Variants in DNAH12 observed in about 807,000 individuals in gnomAD.
DNAH12 encodes axonemal beta dynein heavy chain 12.
A neutral mutation model predicts 371.5 loss-of-function variants in DNAH12; 285 were observed. The ratio of observed to expected loss-of-function variants is 0.77; its 90% CI spans 0.70 to 0.85. The LOEUF (loss-of-function observed/expected upper bound fraction) is 0.85. Ranked by LOEUF, DNAH12 falls within the 40% of genes least tolerant of loss-of-function variation. DNAH12 has a pLI of 0.00. For missense variants in DNAH12, 3,611 were observed against 3,689.4 expected (o/e 0.98, Z 0.55); for synonymous variants, 1,200 against 1,213.0 (o/e 0.99, Z 0.22).
At chr3:57,471,653 AT>A in intron 14 of DNAH12, 47 bp from the exon 15 acceptor site, 1 of 1,453,344 alleles carries the variant, frequency 6.9e-7, no homozygotes, top group Non-Finnish European at 9.1e-7. Context: ...GTAACAAAGA[AT>A]TATCAAGTCA....
chr3:57,393,608 A>C (rs1351885448), intron 44 of DNAH12, among the ~76,000 whole-genome samples: 2 of 125,274 alleles, frequency 1.6e-5, no homozygotes, highest in African/African-American at 3.0e-5. Flanking sequence ...CCTGGGTGAC[A>C]GAGCAAGACT....
Position 57,454,256 on chromosome 3 carries a change from G to A in DNAH12, c.3456+519C>T, listed in dbSNP as rs754409549. Among the ~76,000 whole-genome samples, 6 of 151,876 alleles carry A rather than the reference G, an allele frequency of 4.0e-5. No homozygotes were observed. In the South Asian group the frequency reaches 6.2e-4, roughly 16 times the overall value. On this transcript the variant is annotated intron_variant, in intron 23 of 73. Coordinates refer to ENST00000495027, the MANE Select transcript of DNAH12 (RefSeq NM_001366028.2). ...AGCACTTTGGGAGGCTAAGGTGGGC[G>A]GATCTCCTGAGGTCAGGTGTTCAAG...
intron 11 of DNAH12, among the ~76,000 whole-genome samples, chr3:57,499,647 A>AAAAAAAAATATATATAT (rs1451248906): frequency 5.6e-5 from 1 of 17,956 alleles, no homozygotes; most frequent in Non-Finnish European, 1.2e-4. Flanking sequence ...AAAAAAAAAA[A>AAAAAAAAATATATATAT]ATATATATAT....
intron 25 of DNAH12, among the ~76,000 whole-genome samples, chr3:57,446,956 G>T (rs1408684414): frequency 1.3e-5 from 2 of 152,120 alleles, no homozygotes; most frequent in African/African-American, 4.8e-5. Flanking sequence ...AGCCTTATGG[G>T]GGTAAAATTA....
intron 58 of DNAH12, among the ~76,000 whole-genome samples, chr3:57,362,621 T>C (rs1178641783): frequency 3.3e-5 from 5 of 152,250 alleles, no homozygotes; most frequent in African/African-American, 1.2e-4. Context: ...TGGCCAGTGA[T>C]GGTGAGCATT....
Position 57,421,661 on chromosome 3 carries a change from C to T in DNAH12, c.5419G>A (p.Asp1807Asn), listed in dbSNP as rs1559640828. Residue 1807 changes from aspartate to asparagine, a missense_variant, in exon 36 of 74, where the codon GAT (aspartate) becomes AAT (asparagine). By Grantham distance (23) the Asp-to-Asn change is conservative. Transcript: ENST00000495027. ...SLIWSIGGSC[D>N]TDGRRVFDTF... ...TCAAAAACACGACGGCCATCTGTAT[C>T]ACAACTTCCTCCAATCGACCAAATC... 13 of 1,551,506 alleles carry T rather than the reference C, an allele frequency of 8.4e-6. No individual in the cohort carries two copies. Among genetic ancestry groups the T allele is most frequent in the Non-Finnish European group, 1.1e-5 (13 of 1,146,978 alleles).
At position 57,453,024 on chromosome 3, in the gene DNAH12, A is replaced by C; in HGVS notation, c.3614-9T>G. 6.5e-7 allele frequency: 1 copy of C among 1,533,220 alleles called. No homozygotes were observed. The highest frequency in any genetic ancestry group is 8.7e-7 in the Non-Finnish European group (1 of 1,143,274). 95.0% of individuals were successfully genotyped at this position (1,533,220 alleles called of 1,614,324 possible). On this transcript the variant is annotated splice_polypyrimidine_tract_variant and intron_variant, in intron 24 of 73. Transcript: ENST00000495027. ...TGTATCATGTGAGACACCTAGAAAA[A>C]ATAAAGTAAAATAAGACACATGATC...
intron 67 of DNAH12, among the ~76,000 whole-genome samples, chr3:57,310,336 T>A (rs2061560287): frequency 2.0e-5 from 3 of 152,206 alleles, no homozygotes; most frequent in African/African-American, 7.2e-5. Flanking sequence ...TGGTTTTCAC[T>A]CCTTTTCTGC....
At chr3:57,396,303 A>C (rs2063739448) in intron 43 of DNAH12, among the ~76,000 whole-genome samples, 1 of 138,896 alleles carries the variant, frequency 7.2e-6, no homozygotes, top group South Asian at 2.2e-4. Flanking sequence ...AAAAAAAAAA[A>C]AAAAAAAGAG....
Position 57,483,267 on chromosome 3 carries a change from C to G in DNAH12, c.1650+109G>C, listed in dbSNP as rs2066811820. ...CTTGGCCTAGGTGGTGGCAATATAA[C>G]CGCTCAATTTACAGCTATTTGTGTA... On this transcript the variant is annotated intron_variant, in intron 13 of 73. Coordinates refer to ENST00000495027, the MANE Select transcript of DNAH12 (RefSeq NM_001366028.2). 2.2e-6 allele frequency: 3 copies of G among 1,345,256 alleles called. No individual in the cohort carries two copies. The Admixed American group carries it at 7.7e-5, about 35-fold the overall frequency. 83.3% of individuals were successfully genotyped at this position (1,345,256 alleles called of 1,614,324 possible).
chr3:57,555,638 G>C, the DNAH12 span, among the ~76,000 whole-genome samples: 1 of 152,208 alleles, frequency 6.6e-6, no homozygotes, highest in Non-Finnish European at 1.5e-5. Context: ...TCGGGACTCT[G>C]CATCTGTAAA....
intron 65 of DNAH12, among the ~76,000 whole-genome samples, chr3:57,320,886 G>A (rs1408035312): frequency 1.3e-5 from 2 of 152,156 alleles, no homozygotes; most frequent in Non-Finnish European, 2.9e-5. Context: ...TGTACTACCA[G>A]AGAAGTTGCT....
chr3:57,520,011 G>T, intron 4 of DNAH12: 1 of 784,732 alleles, frequency 1.3e-6, no homozygotes, highest in South Asian at 1.5e-5. Flanking sequence ...CGTCGGCCAT[G>T]GTAGCGCCGC....
intron 60 of DNAH12, 120 bp from the exon 61 acceptor site, chr3:57,335,060 C>T: frequency 1.9e-6 from 2 of 1,064,524 alleles, no homozygotes; most frequent in Non-Finnish European, 2.6e-6. Context: ...CTGCTGTAAA[C>T]AACTAGAAAA....
At chr3:57,457,539 A>G (rs1480396914) in intron 22 of DNAH12, among the ~76,000 whole-genome samples, 182 bp downstream of exon 22, 1 of 152,256 alleles carries the variant, frequency 6.6e-6, no homozygotes, top group South Asian at 2.1e-4. Context: ...TTTTATAACA[A>G]TCATATACTA....
intron 25 of DNAH12, among the ~76,000 whole-genome samples, chr3:57,451,059 A>G (rs1273023480): frequency 6.6e-6 from 1 of 152,194 alleles, no homozygotes; most frequent in Non-Finnish European, 1.5e-5. Flanking sequence ...AGCAGGCTAC[A>G]ACTGTACATC....
intron 55 of DNAH12, among the ~76,000 whole-genome samples, chr3:57,374,984 A>G (rs1166507468): frequency 6.6e-6 from 1 of 152,138 alleles, no homozygotes; most frequent in Non-Finnish European, 1.5e-5. Context: ...ATCTTGATAG[A>G]GATTTGGGTT....
chr3:57,396,814 C>T (rs910228607), intron 43 of DNAH12, among the ~76,000 whole-genome samples: 3 of 152,058 alleles, frequency 2.0e-5, no homozygotes, highest in Non-Finnish European at 2.9e-5. Context: ...TCAGGTGATC[C>T]GAGACCAACC....
At chr3:57,324,635 G>A (rs538343662) in intron 62 of DNAH12, among the ~76,000 whole-genome samples, 17 of 152,300 alleles carry the variant, frequency 1.1e-4, no homozygotes, top group South Asian at 8.3e-4. Flanking sequence ...AGCTCCCAGC[G>A]TGAGCCACGC....
Sources: gnomAD v4.1 joint callset for allele counts (sites outside exome capture counted in the v4.1 genomes callset) on GRCh38, gnomAD v4.1.1 for gene constraint, MANE v1.5 for transcripts, NCBI Gene and HGNC (gene_info 2026-07-23, HGNC 2026-07-21) for gene names.